The following WRAP73 variants were observed in gnomAD, a reference collection of about 807,000 sequenced individuals.
The protein encoded by WRAP73 is WD repeat-containing protein WRAP73.
Under a neutral mutation model 59.6 loss-of-function variants are expected in WRAP73, and 55 were observed. That is an observed-to-expected ratio of 0.92 (90% CI 0.74 to 1.15). The LOEUF is 1.15. Ranked by LOEUF, WRAP73 falls within the 50% of genes most tolerant of loss-of-function variation. WRAP73 has a pLI of 0.00. For missense variants in WRAP73, 592 were observed against 608.1 expected (o/e 0.97, Z 0.28); for synonymous variants, 265 against 258.2 (o/e 1.03, Z -0.25).
At chr1:3,636,312 G>C in intron 5 of WRAP73, 1 of 438,062 alleles carries the variant, frequency 2.3e-6, no homozygotes, top group South Asian at 2.3e-5. Flanking sequence ...TCCTTGCCTG[G>C]CCAGCCCCCG....
chr1:3,640,633 G>A (rs1320139350), intron 3 of WRAP73, among the ~76,000 whole-genome samples: 4 of 143,780 alleles, frequency 2.8e-5, no homozygotes, highest in African/African-American at 7.7e-5. Context: ...GGGGTGGAGC[G>A]CCCGAGGCTC....
At chr1:3,631,890 T>A in intron 10 of WRAP73, 2 of 1,386,382 alleles carry the variant, frequency 1.4e-6, no homozygotes, top group Non-Finnish European at 1.9e-6. Flanking sequence ...TTGGTATTTT[T>A]TTTTTTTTTT....
At position 3,649,956 on chromosome 1, in the gene WRAP73, T is replaced by C. The variant is rs1428564149; in HGVS notation, c.44A>G (p.Lys15Arg). 3 of 1,604,058 alleles carry C rather than the reference T, an allele frequency of 1.9e-6. No individual in the cohort carries two copies. Among genetic ancestry groups the C allele is most frequent in the African/African-American group, 2.7e-5 (2 of 74,058 alleles). Residue 15 changes from lysine to arginine, a missense_variant, in exon 1 of 12, where the codon AAG becomes AGG. Physicochemically the swap from Lys to Arg is conservative, Grantham distance 26. Transcript: ENST00000270708. ...EVFKLSSLLC[K>R]FSPDGKYLAS... ...CAGGTACTTGCCGTCCGGGGAGAACTTGCAGAGTAAGCTGGAGAGCTTGAA... is the reference window on the plus strand; with the variant it reads ...CAGGTACTTGCCGTCCGGGGAGAACCTGCAGAGTAAGCTGGAGAGCTTGAA...
In WRAP73 at chr1:3,631,656, G is replaced by A; in HGVS notation, c.1050C>T (p.Asp350=). The A allele has an allele frequency of 6.3e-7, 1 of 1,589,874 alleles. No individual in the cohort carries two copies. The highest frequency in any genetic ancestry group is 1.7e-4 in the Middle Eastern group (1 of 6,024). The change falls in exon 11 of 12, where the codon GAC becomes GAT. Residue 350 remains aspartate (D), a splice_region_variant and synonymous_variant. Coordinates refer to ENST00000270708, the MANE Select transcript of WRAP73 (RefSeq NM_017818.4). ...AGACCCAGACGGCATTGGGAATGTT[G>A]TCTGAGGAAGGAAGGACAGGGCACC... The part of the protein sequence containing the change: ...PDSYFLATRN[D]NIPNAVWVWD...
intron 8 of WRAP73, chr1:3,633,707 G>T: frequency 1.8e-6 from 1 of 545,632 alleles, no homozygotes; most frequent in Non-Finnish European, 3.2e-6. Context: ...GTGTCCTGCT[G>T]AGGAGCCCAC....
chr1:3,646,614 A>T lies in WRAP73; in HGVS notation c.339+52T>A. On this transcript the variant is annotated intron_variant, in intron 3 of 11. Transcript: ENST00000270708. The surrounding 1 kb of genome is among the most constrained non-coding windows in gnomAD (Gnocchi z 5.1). ...TCTCGCACTCCCCAGCTGTTTCGAGAGCAGAGGACAGGATCACATGGCCAG... is the reference window on the plus strand; with the variant it reads ...TCTCGCACTCCCCAGCTGTTTCGAGTGCAGAGGACAGGATCACATGGCCAG... 1 of 1,484,426 alleles carries T rather than the reference A, an allele frequency of 6.7e-7. No homozygotes were observed. Among genetic ancestry groups the T allele is most frequent in the Non-Finnish European group, 9.2e-7 (1 of 1,083,324 alleles). The allele number at this position is 1,484,426 out of a possible 1,614,324, so 92.0% of individuals were successfully genotyped here. A position where few individuals can be genotyped will look rare whatever the true frequency, so the allele number is the denominator to read the frequency against.
chr1:3,637,245 A>G, intron 4 of WRAP73, 147 bp from the exon 5 acceptor site: 1 of 678,744 alleles, frequency 1.5e-6, no homozygotes, highest in Non-Finnish European at 2.5e-6. Context: ...TGCTCCTCAG[A>G]CAGACAAGAA....
chr1:3,634,519 C>T (rs1557455546), intron 8 of WRAP73: 2 of 189,128 alleles, frequency 1.1e-5, no homozygotes, highest in South Asian at 1.0e-4. Flanking sequence ...TGCGATCCCT[C>T]GCTGGTGGCC....
At chr1:3,632,112 G>T in intron 10 of WRAP73, 101 bp downstream of exon 10, 1 of 1,513,500 alleles carries the variant, frequency 6.6e-7, no homozygotes, top group Non-Finnish European at 8.8e-7. Flanking sequence ...GAGGTGACGT[G>T]TCGGAAACCC....
chr1:3,633,486 G>A lies in WRAP73; in HGVS notation c.834C>T (p.Ala278=), dbSNP rs759565731. The A allele has an allele frequency of 9.6e-5, 155 of 1,607,172 alleles. No individual in the cohort carries two copies. Among genetic ancestry groups the A allele is most frequent in the Middle Eastern group, 3.3e-4 (2 of 6,034 alleles). The change falls in exon 9 of 12, where the codon GCC becomes GCT. Residue 278 remains alanine (A), a synonymous_variant. Transcript: ENST00000270708. ...CCAGTCCCAGCTGTGGGCTCTTCTC[G>A]GCCTCCTTATACACCACCTGAAAGA... The part of the protein sequence containing the change: ...NDPKIVVYKE[A]EKSPQLGLGC...
chr1:3,633,213 G>C (rs1013960455), intron 9 of WRAP73, 185 bp downstream of exon 9: 2 of 620,572 alleles, frequency 3.2e-6, no homozygotes, highest in Non-Finnish European at 5.8e-6. Context: ...GCACCTTCAC[G>C]GCCCACTGCG....
intron 6 of WRAP73, 48 bp from the exon 7 acceptor site, chr1:3,635,342 G>C: frequency 6.2e-7 from 1 of 1,608,508 alleles, no homozygotes. Context: ...CCCGTCGCCA[G>C]GAACACACCA....
chr1:3,634,481 C>A (rs901522716), intron 8 of WRAP73: 3 of 176,760 alleles, frequency 1.7e-5, no homozygotes, highest in Admixed American at 5.4e-5. Context: ...CTCCCCGAGT[C>A]CCTGATCACT....
At chr1:3,635,911 G>T in intron 6 of WRAP73, 33 bp downstream of exon 6, 10 of 1,585,720 alleles carry the variant, frequency 6.3e-6, no homozygotes, top group Non-Finnish European at 6.9e-6. Flanking sequence ...AAAAGCTCTC[G>T]AAAGCAAACA....
chr1:3,634,691 C>A, intron 8 of WRAP73: 1 of 390,522 alleles, frequency 2.6e-6, no homozygotes, highest in Non-Finnish European at 4.8e-6. Flanking sequence ...GCAGGAGACC[C>A]TGGCCACTCT....
At chr1:3,634,272 T>C (rs1644568746) in intron 8 of WRAP73, 1 of 153,776 alleles carries the variant, frequency 6.5e-6, no homozygotes, top group Non-Finnish European at 1.4e-5. Flanking sequence ...GTGGCTGATC[T>C]GGCATGCGCA....
chr1:3,634,821 G>C (rs962212963), intron 8 of WRAP73, 176 bp downstream of exon 8: 2 of 789,876 alleles, frequency 2.5e-6, no homozygotes, highest in African/African-American at 3.4e-5. Context: ...GCGTGGAGGA[G>C]GAAGAACAAA....
In WRAP73 at chr1:3,631,535, A is replaced by G. The variant is rs1268703568; in HGVS notation, c.1171T>C (p.Cys391Arg). The change falls in exon 11 of 12, where the codon TGC becomes CGC. Residue 391 changes from cysteine (C) to arginine (R), a missense_variant. Coordinates refer to ENST00000270708, the MANE Select transcript of WRAP73 (RefSeq NM_017818.4). ...AGGTAGAGCCTGCTGCCTCCCGTGC[A>G]GATGGCCAGCCGCGGCTGCTGCGGG... is the stretch of plus-strand genomic sequence containing the variant. ...WDPQQPRLAI[C>R]TGGSRLYLWS... 1 of 1,610,994 alleles carries G rather than the reference A, an allele frequency of 6.2e-7. No individual in the cohort carries two copies.
At position 3,646,875 on chromosome 1, in the gene WRAP73, C is replaced by A. The variant is rs1435762314; in HGVS notation, c.223-93G>T. 1.9e-6 allele frequency: 2 copies of A among 1,047,950 alleles called. No individual in the cohort carries two copies. Among genetic ancestry groups the A allele is most frequent in the Non-Finnish European group, 2.9e-6 (2 of 693,732 alleles). 64.9% of individuals were successfully genotyped at this position (1,047,950 alleles called of 1,614,324 possible). A position where few individuals can be genotyped will look rare whatever the true frequency, so the allele number is the denominator to read the frequency against. ...TCGCTTAAACGCAGCGGAGACCCGA[C>A]CGCACAGGGTGTCTTCAAACTCATC... On this transcript the variant is annotated intron_variant, in intron 2 of 11. Coordinates refer to ENST00000270708, the MANE Select transcript of WRAP73 (RefSeq NM_017818.4). The surrounding 1 kb of genome is among the most constrained non-coding windows in gnomAD (Gnocchi z 5.1).
Sources: allele counts gnomAD v4.1 joint callset (sites outside exome capture counted in the v4.1 genomes callset), GRCh38; gene constraint gnomAD v4.1.1; non-coding constraint Gnocchi (gnomAD v3.1); transcripts MANE v1.5; gene names NCBI Gene and HGNC (gene_info 2026-07-23, HGNC 2026-07-21).